FHIT: variants seen among roughly 807,000 people sequenced by gnomAD.
FHIT encodes the protein fragile histidine triad diadenosine triphosphatase.
Under a neutral mutation model 17.9 loss-of-function variants are expected in FHIT, and 19 were observed. The ratio of observed to expected loss-of-function variants is 1.06; its 90% CI spans 0.74 to 1.56. The LOEUF (loss-of-function observed/expected upper bound fraction) is 1.56, where lower values mean the gene tolerates loss of function less well. Among genes scored for constraint, FHIT ranks in the 40% most tolerant of loss-of-function variants. The probability of loss-of-function intolerance (pLI) is 0.00; values close to 1 mark genes in which losing one functional copy is unlikely to be tolerated. For missense variants in FHIT, 248 were observed against 189.2 expected (o/e 1.31, Z -1.82); for synonymous variants, 81 against 69.7 (o/e 1.16, Z -0.81).
intron 5 of FHIT, among the ~76,000 whole-genome samples, chr3:60,306,403 G>A (rs1708677397): frequency 1.3e-5 from 2 of 152,182 alleles, no homozygotes. Context: ...CTTTGAAGGA[G>A]TCAAGGCTAT....
intron 5 of FHIT, among the ~76,000 whole-genome samples, chr3:60,170,594 T>A (rs1701374868): frequency 6.6e-6 from 1 of 152,128 alleles, no homozygotes; most frequent in African/African-American, 2.4e-5. Context: ...GTTCAATAAT[T>A]TTTTTAATGA....
chr3:61,221,017 G>A (rs1203319935), intron 1 of FHIT, among the ~76,000 whole-genome samples: 3 of 152,244 alleles, frequency 2.0e-5, no homozygotes, highest in Admixed American at 2.0e-4. Context: ...GGTGACATCT[G>A]AGGAGCAGAA....
intron 5 of FHIT, among the ~76,000 whole-genome samples, chr3:60,486,906 G>A (rs1410435691): frequency 6.6e-6 from 1 of 152,078 alleles, no homozygotes; most frequent in South Asian, 2.1e-4. Context: ...ATTACAAAAT[G>A]CAACTACAGA....
intron 4 of FHIT, among the ~76,000 whole-genome samples, chr3:60,772,446 A>T (rs1553723374): frequency 6.6e-6 from 1 of 151,964 alleles, no homozygotes; most frequent in African/African-American, 2.4e-5. Context: ...TTCATGGAAA[A>T]ATAATAGGGG....
intron 5 of FHIT, among the ~76,000 whole-genome samples, chr3:60,282,194 C>T (rs1290206344): frequency 1.3e-5 from 2 of 152,114 alleles, no homozygotes; most frequent in Admixed American, 6.6e-5. Context: ...AATGTTCACA[C>T]AAAAGTCTGC....
intron 5 of FHIT, among the ~76,000 whole-genome samples, chr3:60,411,762 C>A (rs1004938699): frequency 1.3e-5 from 2 of 152,046 alleles, no homozygotes; most frequent in African/African-American, 4.8e-5. Flanking sequence ...GTTGTATAAT[C>A]TTGGACAAAA....
At chr3:60,593,311 G>A (rs1469919327) in intron 4 of FHIT, among the ~76,000 whole-genome samples, 16 of 152,096 alleles carry the variant, frequency 1.1e-4, no homozygotes, top group Admixed American at 9.8e-4. Flanking sequence ...GATTGATATT[G>A]TATAATATTA....
intron 7 of FHIT, among the ~76,000 whole-genome samples, chr3:59,942,300 T>G (rs1706561423): frequency 1.3e-5 from 2 of 152,180 alleles, no homozygotes; most frequent in Non-Finnish European, 2.9e-5. Context: ...ACCCTTAGCC[T>G]TCATCTTTCC....
chr3:60,939,409 C>T (rs1220097090), intron 3 of FHIT, among the ~76,000 whole-genome samples: 5 of 152,108 alleles, frequency 3.3e-5, no homozygotes, highest in Non-Finnish European at 7.4e-5. Flanking sequence ...GCAATATTTA[C>T]CCTTTAGTCC....
chr3:60,951,312 A>T (rs1708876107), intron 3 of FHIT, among the ~76,000 whole-genome samples: 1 of 152,200 alleles, frequency 6.6e-6, no homozygotes, highest in African/African-American at 2.4e-5. Context: ...AGAGCTGCTT[A>T]ACATTATTAA....
At chr3:60,602,746 A>C in intron 4 of FHIT, among the ~76,000 whole-genome samples, 1 of 152,158 alleles carries the variant, frequency 6.6e-6, no homozygotes, top group South Asian at 2.1e-4. Flanking sequence ...TTGAAATCCT[A>C]ACTTCCAAGG....
chr3:60,836,330 G>A (rs1412138984), intron 3 of FHIT, among the ~76,000 whole-genome samples: 1 of 152,164 alleles, frequency 6.6e-6, no homozygotes, highest in Non-Finnish European at 1.5e-5. Context: ...TTTTCTGGAA[G>A]AGACTGTATA....
intron 4 of FHIT, among the ~76,000 whole-genome samples, chr3:60,641,942 G>T (rs1285925183): frequency 6.6e-6 from 1 of 151,584 alleles, no homozygotes; most frequent in Non-Finnish European, 1.5e-5. Flanking sequence ...AAAAAGCAAA[G>T]AAAGAGAACA....
At chr3:61,222,155 C>T (rs758681605) in intron 1 of FHIT, among the ~76,000 whole-genome samples, 6 of 152,188 alleles carry the variant, frequency 3.9e-5, no homozygotes, top group Admixed American at 6.5e-5. Context: ...ACAGACACTG[C>T]GGACAGGGAA....
chr3:60,968,900 G>A (rs1426069774), intron 3 of FHIT, among the ~76,000 whole-genome samples: 1 of 151,908 alleles, frequency 6.6e-6, no homozygotes, highest in Admixed American at 6.6e-5. Context: ...TAATCAGCTT[G>A]TATTCCTGGA....
chr3:60,013,624 C>G (rs922677788), intron 6 of FHIT, among the ~76,000 whole-genome samples: 3 of 152,228 alleles, frequency 2.0e-5, no homozygotes, highest in African/African-American at 7.2e-5. Context: ...CCAACCTAAG[C>G]TGCATATCAC....
At chr3:60,286,536 G>A (rs1476212742) in intron 5 of FHIT, among the ~76,000 whole-genome samples, 3 of 152,164 alleles carry the variant, frequency 2.0e-5, no homozygotes, top group African/African-American at 7.2e-5. Flanking sequence ...AACTCTTATG[G>A]TACCCAATCT....
At chr3:61,169,825 T>C (rs1008341742) in intron 2 of FHIT, among the ~76,000 whole-genome samples, 8 of 152,104 alleles carry the variant, frequency 5.3e-5, no homozygotes, top group Non-Finnish European at 7.4e-5. Flanking sequence ...ACAACAAAGA[T>C]AGATAGTCAG....
chr3:60,949,567 C>T (rs575560289), intron 3 of FHIT, among the ~76,000 whole-genome samples: 5 of 152,224 alleles, frequency 3.3e-5, no homozygotes, highest in South Asian at 2.1e-4. Flanking sequence ...AATCAGAAAG[C>T]GGGTCACTTC....
Sources: gnomAD v4.1 joint callset for allele counts (sites outside exome capture counted in the v4.1 genomes callset) on GRCh38, gnomAD v4.1.1 for gene constraint, MANE v1.5 for transcripts, NCBI Gene and HGNC (gene_info 2026-07-23, HGNC 2026-07-21) for gene names.